CDKL1: variants seen among roughly 807,000 people sequenced by gnomAD.
CDKL1 encodes the protein cyclin dependent kinase like 1.
A neutral mutation model predicts 42.0 loss-of-function variants in CDKL1; 41 were observed. The ratio of observed to expected loss-of-function variants is 0.98; its 90% CI spans 0.76 to 1.27. The LOEUF (loss-of-function observed/expected upper bound fraction) is 1.27, where lower values mean the gene tolerates loss of function less well. Ranked by LOEUF, CDKL1 falls within the 50% of genes most tolerant of loss-of-function variation. CDKL1 has a pLI of 0.00. For missense variants in CDKL1, 394 were observed against 428.4 expected (o/e 0.92, Z 0.71); for synonymous variants, 153 against 158.6 (o/e 0.96, Z 0.26).
Position 50,332,412 on chromosome 14 carries a change from A to G in CDKL1, c.816T>C (p.Pro272=), listed in dbSNP as rs755251326. 2.5e-6 allele frequency: 4 copies of G among 1,613,562 alleles called. No homozygotes were observed. In the East Asian group the frequency reaches 8.9e-5, roughly 36 times the overall value. ...GCTGTTCACATGTCAGCCTTTGAGT[A>G]GGGTCCATGTGGAGACAGCCCTAAA... ...GLLKGCLHMD[P]TQRLTCEQLL... is the part of the protein sequence containing the mutation. Residue 272 remains proline, a synonymous_variant, in exon 9 of 10, where the codon CCT becomes CCC. Transcript: ENST00000395834.
chr14:50,380,162 C>A (rs1282459420), intron 2 of CDKL1: 2 of 530,894 alleles, frequency 3.8e-6, no homozygotes, highest in Non-Finnish European at 7.7e-6. Flanking sequence ...AAGGGCCAAA[C>A]ACAAGCTCCT....
At chr14:50,359,236 G>T (rs759343255) in intron 2 of CDKL1, 87 bp from the exon 3 acceptor site, 2 of 1,453,296 alleles carry the variant, frequency 1.4e-6, no homozygotes, top group Admixed American at 2.1e-5. Context: ...TAAGTTGTTT[G>T]TCCTTTAAGA....
intron 3 of CDKL1, chr14:50,358,120 A>G: frequency 7.4e-7 from 1 of 1,357,758 alleles, no homozygotes; most frequent in Non-Finnish European, 9.8e-7. Context: ...GTCTTCTTCC[A>G]GTGCACACAA....
rs759837330 is a variant in CDKL1, at chr14:50,342,158, C to T, written c.428G>A (p.Cys143Tyr). The T allele has an allele frequency of 6.2e-7, 1 of 1,614,068 alleles. No homozygotes were observed. Among genetic ancestry groups the T allele is most frequent in the Non-Finnish European group, 8.5e-7 (1 of 1,179,988 alleles). ...LITKHSVIKL[C>Y]DFGFARLLTG... ...CAAAAGCCGAGCAAATCCAAAGTCA[C>T]AAAGCTTAATCACGGAATGTTTCGT... The change falls in exon 5 of 10, where the codon TGT becomes TAT. Residue 143 changes from cysteine to tyrosine, a missense_variant. Physicochemically the swap from Cys to Tyr is radical, Grantham distance 194. Coordinates refer to ENST00000395834, the MANE Select transcript of CDKL1 (RefSeq NM_004196.7).
rs1595246272 is a variant in CDKL1 at position 50,332,728 on chromosome 14, A to C, written c.796-296T>G. ...AAGATATAATTTTAGAGTTTACCTC[A>C]GTGGCCAAATGGGGTAATCCATTTA... On this transcript the variant is annotated intron_variant, in intron 8 of 9. Coordinates refer to ENST00000395834, the MANE Select transcript of CDKL1 (RefSeq NM_004196.7). 2.7e-6 allele frequency: 4 copies of C among 1,503,794 alleles called. No homozygotes were observed. In the African/African-American group the frequency reaches 5.5e-5, roughly 21 times the overall value. The allele number at this position is 1,503,794 out of a possible 1,614,324, so 93.2% of individuals were successfully genotyped here. A position where few individuals can be genotyped will look rare whatever the true frequency, so the allele number is the denominator to read the frequency against.
intron 2 of CDKL1, among the ~76,000 whole-genome samples, chr14:50,388,945 AAAAT>A (rs1420279892): frequency 6.6e-6 from 1 of 151,694 alleles, no homozygotes; most frequent in Non-Finnish European, 1.5e-5. Context: ...TGAAAATACA[AAAAT>A]TAGCTGGGTG....
chr14:50,355,150 C>G (rs1240518111), intron 3 of CDKL1, among the ~76,000 whole-genome samples: 1 of 151,924 alleles, frequency 6.6e-6, no homozygotes, highest in African/African-American at 2.4e-5. Flanking sequence ...AATGGGTCCA[C>G]TGTATTCTAT....
intron 2 of CDKL1, among the ~76,000 whole-genome samples, chr14:50,373,682 C>A (rs544233338): frequency 2.0e-5 from 3 of 152,296 alleles, no homozygotes; most frequent in African/African-American, 7.2e-5. Context: ...TGATTAACAT[C>A]TTTTGTCATT....
intron 7 of CDKL1, 154 bp from the exon 8 acceptor site, chr14:50,334,775 G>T: frequency 3.4e-6 from 2 of 586,430 alleles, no homozygotes; most frequent in South Asian, 4.3e-5. Context: ...GTCTCCCTTT[G>T]CCTTTTTCAC....
At chr14:50,355,568 C>T (rs1212806306) in intron 3 of CDKL1, among the ~76,000 whole-genome samples, 1 of 152,186 alleles carries the variant, frequency 6.6e-6, no homozygotes, top group African/African-American at 2.4e-5. Context: ...CTAATTCAGT[C>T]ATTCTACAAG....
intron 2 of CDKL1, among the ~76,000 whole-genome samples, chr14:50,365,952 T>A (rs941065318): frequency 1.3e-5 from 2 of 152,246 alleles, no homozygotes; most frequent in Non-Finnish European, 2.9e-5. Context: ...TGCCACGGGC[T>A]CTCCGGCCTT....
intron 6 of CDKL1, 114 bp downstream of exon 6, chr14:50,340,917 CT>C: frequency 9.1e-7 from 1 of 1,100,954 alleles, no homozygotes; most frequent in South Asian, 1.6e-5. Flanking sequence ...GAGTTTTCCT[CT>C]TTCCTAACTA....
intron 2 of CDKL1, among the ~76,000 whole-genome samples, chr14:50,385,532 G>A (rs1383626515): frequency 2.0e-5 from 3 of 152,074 alleles, no homozygotes; most frequent in African/African-American, 4.8e-5. Context: ...TGGGCCAGGC[G>A]TGGTGGCTCA....
intron 2 of CDKL1, among the ~76,000 whole-genome samples, chr14:50,392,252 C>T (rs971065920): frequency 1.5e-4 from 23 of 152,106 alleles, no homozygotes; most frequent in African/African-American, 5.6e-4. Context: ...TTGAGACCAG[C>T]CTGACCAACA....
chr14:50,337,702 G>A lies in CDKL1; in HGVS notation c.738+1245C>T, dbSNP rs1192055388. ...CTTTCTTTTTTTTTTTTTTTGGTTCGGAGACAGGGTCTTACTCCTGTCGCC... is the reference window on the plus strand; with the variant it reads ...CTTTCTTTTTTTTTTTTTTTGGTTCAGAGACAGGGTCTTACTCCTGTCGCC... On this transcript the variant is annotated intron_variant, in intron 7 of 9. Transcript: ENST00000395834. 1.6e-4 allele frequency among the ~76,000 whole-genome samples: 21 copies of A among 128,596 alleles called. No individual in the cohort carries two copies. The East Asian group carries it at 1.8e-3, about 11-fold the overall frequency. The allele number at this position is 128,596 out of a possible 152,430, so 84.4% of individuals were successfully genotyped here.
intron 3 of CDKL1, among the ~76,000 whole-genome samples, chr14:50,349,374 G>A (rs73283107): frequency 0.055 from 8,429 of 152,292 alleles, 790 homozygotes; most frequent in African/African-American, 0.19. Context: ...CCTCTCATCT[G>A]CTCTTTCTCA....
chr14:50,369,242 GTCTAGGCCTGTAGAC>G (rs1267028004), intron 2 of CDKL1, among the ~76,000 whole-genome samples: 1 of 152,110 alleles, frequency 6.6e-6, no homozygotes. Flanking sequence ...GGATCAGCAG[GTCTAGGCCTGTAGAC>G]TCTGTGGCAC....
At chr14:50,344,943 A>T in intron 4 of CDKL1, 43 bp downstream of exon 4, 1 of 1,511,176 alleles carries the variant, frequency 6.6e-7, no homozygotes, top group Non-Finnish European at 9.2e-7. Flanking sequence ...ACCTCAGCTT[A>T]AGGGGAGCCT....
chr14:50,344,845 T>A, intron 4 of CDKL1, 141 bp downstream of exon 4: 1 of 610,094 alleles, frequency 1.6e-6, no homozygotes. Context: ...TTGGCATTTT[T>A]AGCCTATACT....
Sources: allele counts gnomAD v4.1 joint callset (sites outside exome capture counted in the v4.1 genomes callset), GRCh38; gene constraint gnomAD v4.1.1; transcripts MANE v1.5; gene names NCBI Gene and HGNC (gene_info 2026-07-23, HGNC 2026-07-21).